The following CPNE8 variants were observed in gnomAD, a reference collection of about 807,000 sequenced individuals.
The protein encoded by CPNE8 is copine-8.
Under a neutral mutation model 81.5 loss-of-function variants are expected in CPNE8, and 45 were observed. That is an observed-to-expected ratio of 0.55 (90% CI 0.44 to 0.71). The LOEUF (loss-of-function observed/expected upper bound fraction) is 0.71, where lower values mean the gene tolerates loss of function less well. CPNE8 is among the 30% of genes least tolerant of loss of function. The pLI, the probability that CPNE8 is intolerant of heterozygous loss-of-function variation, is 0.00. For synonymous variants in CPNE8, 252 were observed against 226.3 expected, an observed-to-expected ratio of 1.11 and a Z score of -1.02; for missense variants, 594 against 672.1, an observed-to-expected ratio of 0.88 and a Z score of 1.28.
chr12:38,743,316 T>A (rs925142725), intron 10 of CPNE8, among the ~76,000 whole-genome samples: 1 of 152,112 alleles, frequency 6.6e-6, no homozygotes, highest in African/African-American at 2.4e-5. Flanking sequence ...TAAATTTCTT[T>A]GAAAATGTCA....
chr12:38,770,681 A>C (rs1941783166), intron 7 of CPNE8, among the ~76,000 whole-genome samples: 1 of 152,060 alleles, frequency 6.6e-6, no homozygotes, highest in Non-Finnish European at 1.5e-5. Context: ...TAGCTCAATC[A>C]ACTCCCACTG....
In CPNE8 at chr12:38,839,934, GCT is replaced by G; in HGVS notation, c.310_311del (p.Ser104ProfsTer7). ...AACTTACATGTTTGGATAAGTTGGG[GCT>G]CTTTGAATCAACATCATACCTAAAA... ...RFDLYDVDSK[S>X]PNLSKHDFLG... On this transcript the variant is annotated frameshift_variant, in exon 5 of 20. Coordinates refer to ENST00000331366, the MANE Select transcript of CPNE8 (RefSeq NM_153634.3). LOFTEE classifies it high-confidence loss of function. 6.3e-7 allele frequency: 1 copy of G among 1,580,420 alleles called. No individual in the cohort carries two copies. The highest frequency in any genetic ancestry group is 8.6e-7 in the Non-Finnish European group (1 of 1,156,994).
At chr12:38,718,184 G>A (rs1940457332) in intron 13 of CPNE8, among the ~76,000 whole-genome samples, 1 of 152,086 alleles carries the variant, frequency 6.6e-6, no homozygotes. Flanking sequence ...TCATCAGAGG[G>A]CATAATGGCC....
At chr12:38,682,192 C>T (rs934836100) in intron 16 of CPNE8, among the ~76,000 whole-genome samples, 7 of 152,104 alleles carry the variant, frequency 4.6e-5, no homozygotes, top group African/African-American at 1.7e-4. Context: ...TACACTCCAG[C>T]CTGAGTGACA....
intron 5 of CPNE8, among the ~76,000 whole-genome samples, chr12:38,829,846 C>A (rs184202659): frequency 5.3e-5 from 8 of 152,274 alleles, no homozygotes; most frequent in Non-Finnish European, 1.0e-4. Context: ...TGGCTAATCC[C>A]AGTAACACTT....
chr12:38,887,300 C>T (rs1248185855), intron 1 of CPNE8, among the ~76,000 whole-genome samples: 3 of 152,052 alleles, frequency 2.0e-5, no homozygotes, highest in South Asian at 2.1e-4. Context: ...GGGTACTAGG[C>T]CTGAAAAGCA....
chr12:38,793,682 C>T (rs1248678050), intron 6 of CPNE8, among the ~76,000 whole-genome samples: 2 of 151,620 alleles, frequency 1.3e-5, no homozygotes, highest in African/African-American at 2.4e-5. Flanking sequence ...TACCAAAATG[C>T]CAATGGCATT....
Position 38,653,620 on chromosome 12 carries a change from A to AAAAAAAAAG in CPNE8, c.*253_*261dup. On this transcript the variant is annotated 3_prime_UTR_variant, in exon 20 of 20. Transcript: ENST00000331366. The stretch of plus-strand genomic sequence containing the variant: ...ATTGGAAATTAGCTGTTTCTGTTAA[A>AAAAAAAAAG]AAAAAAAAGAAAGAAAGATTTAGAG... 2.2e-5 allele frequency: 6 copies of AAAAAAAAAG among 274,374 alleles called. No individual in the cohort carries two copies. The highest frequency in any genetic ancestry group is 1.0e-4 in the South Asian group (1 of 9,592). The allele number at this position is 274,374 out of a possible 1,614,324, so 17.0% of individuals were successfully genotyped here. A position where few individuals can be genotyped will look rare whatever the true frequency, so the allele number is the denominator to read the frequency against.
intron 1 of CPNE8, among the ~76,000 whole-genome samples, chr12:38,901,253 T>C (rs1048039173): frequency 2.2e-4 from 33 of 152,308 alleles, no homozygotes; most frequent in African/African-American, 6.7e-4. Flanking sequence ...ATCACCATTA[T>C]AGGATTATTT....
At chr12:38,834,515 A>C (rs2137032056) in intron 5 of CPNE8, among the ~76,000 whole-genome samples, 1 of 152,272 alleles carries the variant, frequency 6.6e-6, no homozygotes, top group South Asian at 2.1e-4. Context: ...TCATACTACC[A>C]ACATATATTC....
chr12:38,731,483 T>TA lies in CPNE8; in HGVS notation c.723-1126dup, dbSNP rs752052568. Among the ~76,000 whole-genome samples the TA allele has an allele frequency of 3.9e-5, 6 of 151,928 alleles. No homozygotes were observed. The East Asian group carries it at 5.8e-4, about 15-fold the overall frequency. Reference sequence around the variant, plus strand: ...CTTAATTTTAGTAGAGTTTTTGCAATAAAAAAATGTTTTTAAAGAACTTAT... The same window carrying TA: ...CTTAATTTTAGTAGAGTTTTTGCAATAAAAAAAATGTTTTTAAAGAACTTAT... On this transcript the variant is annotated intron_variant, in intron 10 of 19. Coordinates refer to ENST00000331366, the MANE Select transcript of CPNE8 (RefSeq NM_153634.3).
chr12:38,701,358 A>C (rs1313922943), intron 14 of CPNE8, among the ~76,000 whole-genome samples: 1 of 152,150 alleles, frequency 6.6e-6, no homozygotes, highest in East Asian at 1.9e-4. Context: ...TTTCTTCTCA[A>C]ATCAAAAATG....
chr12:38,904,578 C>T (rs1944536945), intron 1 of CPNE8, among the ~76,000 whole-genome samples: 1 of 151,480 alleles, frequency 6.6e-6, no homozygotes, highest in African/African-American at 2.4e-5. Flanking sequence ...AAGCGATTCT[C>T]CTGTCTCAGT....
intron 6 of CPNE8, among the ~76,000 whole-genome samples, chr12:38,789,131 C>A (rs149045531): frequency 6.6e-6 from 1 of 151,648 alleles, no homozygotes; most frequent in Non-Finnish European, 1.5e-5. Flanking sequence ...CACAAAAGAC[C>A]CAGAATAGCC....
chr12:38,805,405 GC>G, intron 6 of CPNE8, among the ~76,000 whole-genome samples: 1 of 47,238 alleles, frequency 2.1e-5, no homozygotes, highest in East Asian at 8.6e-4. Flanking sequence ...GTAAACTATC[GC>G]AAGAACAAAA....
rs372733423 is a variant in CPNE8, at chr12:38,702,875, C to T, written c.961G>A (p.Gly321Ser). Residue 321 changes from glycine to serine, a missense_variant and splice_region_variant, in exon 14 of 20, where the codon GGC becomes AGC. By Grantham distance (56) the Gly-to-Ser change is moderately conservative. Coordinates refer to ENST00000331366, the MANE Select transcript of CPNE8 (RefSeq NM_153634.3). ...ATCAGGGGATAATCAAAACACTCACCGTTTGATGCTGTAAAATCAATAGCC... is the reference window on the plus strand; with the variant it reads ...ATCAGGGGATAATCAAAACACTCACTGTTTGATGCTGTAAAATCAATAGCC... ...TVAIDFTASN[G>S]NPAQPTSLHY... 8.0e-5 allele frequency: 123 copies of T among 1,540,524 alleles called. No homozygotes were observed. The highest frequency in any genetic ancestry group is 1.7e-4 in the Middle Eastern group (1 of 5,886).
intron 6 of CPNE8, among the ~76,000 whole-genome samples, chr12:38,805,676 TTA>T (rs1942782003): frequency 3.7e-5 from 1 of 27,004 alleles, no homozygotes; most frequent in Non-Finnish European, 1.6e-4. Context: ...AAAAAAAACA[TTA>T]AAAAAAAAAA....
chr12:38,654,021 C>T lies in CPNE8; in HGVS notation c.1556G>A (p.Ser519Asn), dbSNP rs748188874. Reference protein sequence around the residue: ...YIDRSGNHILSMARLAKDVLA... With the variant: ...YIDRSGNHILNMARLAKDVLA... Reference sequence around the variant, plus strand: ...GACATCTTTAGCCAATCTAGCCATGCTCAGTATGTGGTTTCCACTTCTGTC... The same window carrying T: ...GACATCTTTAGCCAATCTAGCCATGTTCAGTATGTGGTTTCCACTTCTGTC... The change falls in exon 20 of 20, where the codon AGC becomes AAC. Residue 519 changes from serine (S) to asparagine (N), a missense_variant. Coordinates refer to ENST00000331366, the MANE Select transcript of CPNE8 (RefSeq NM_153634.3). The T allele has an allele frequency of 2.5e-6, 4 of 1,613,376 alleles. No homozygotes were observed. In the South Asian group the frequency reaches 4.4e-5, roughly 18 times the overall value.
At chr12:38,808,323 C>G (rs907245293) in intron 6 of CPNE8, among the ~76,000 whole-genome samples, 5 of 152,008 alleles carry the variant, frequency 3.3e-5, no homozygotes, top group Admixed American at 2.0e-4. Flanking sequence ...TTGCACGGCA[C>G]TATTCACAAT....
Sources: gnomAD v4.1 joint callset for allele counts (sites outside exome capture counted in the v4.1 genomes callset) on GRCh38, gnomAD v4.1.1 for gene constraint, MANE v1.5 for transcripts, NCBI Gene and HGNC (gene_info 2026-07-23, HGNC 2026-07-21) for gene names.